PAPPA2: variants seen among roughly 807,000 people sequenced by gnomAD.
PAPPA2 encodes the protein pappalysin-2.
PAPPA2 carries 86 observed loss-of-function variants against 176.4 expected under a neutral mutation model. The observed-to-expected ratio is 0.49, with a 90% CI of 0.41 to 0.58. PAPPA2 has a LOEUF of 0.58. Ranked by LOEUF, PAPPA2 falls within the 20% of genes least tolerant of loss-of-function variation. The pLI is 0.00. For synonymous variants in PAPPA2, 809 were observed against 852.2 expected, an observed-to-expected ratio of 0.95 and a Z score of 0.88; for missense variants, 2,073 against 2,256.9, an observed-to-expected ratio of 0.92 and a Z score of 1.65.
chr1:176,556,130 A>G lies in PAPPA2; in HGVS notation c.-193A>G. On this transcript the variant is annotated 5_prime_UTR_variant, in exon 2 of 23. Transcript: ENST00000367662. ...TGCCCTGGGGAGGCATAGAAGCCAC[A>G]CTGGCAGAGCGGCCAGCACAGGTAG... 1.5e-6 allele frequency: 1 copy of G among 647,380 alleles called. No individual in the cohort carries two copies. Among genetic ancestry groups the G allele is most frequent in the Non-Finnish European group, 2.6e-6 (1 of 381,358 alleles). 40.1% of individuals were successfully genotyped at this position (647,380 alleles called of 1,614,324 possible).
intron 1 of PAPPA2, among the ~76,000 whole-genome samples, chr1:176,487,029 G>A (rs1652676244): frequency 6.6e-6 from 1 of 152,070 alleles, no homozygotes; most frequent in African/African-American, 2.4e-5. Context: ...GGCCAAAAGG[G>A]CCTCCACAGA....
intron 3 of PAPPA2, among the ~76,000 whole-genome samples, chr1:176,635,964 A>G (rs1656676970): frequency 6.6e-6 from 1 of 152,162 alleles, no homozygotes. Context: ...TGAATCCTGG[A>G]AACCCAGAAC....
chr1:176,651,368 T>G (rs1657709502), intron 3 of PAPPA2, among the ~76,000 whole-genome samples: 1 of 151,590 alleles, frequency 6.6e-6, no homozygotes. Flanking sequence ...TATCTGTCCT[T>G]CATATATGAA....
chr1:176,553,654 A>G (rs1023980319), intron 1 of PAPPA2: 3 of 152,024 alleles, frequency 2.0e-5, no homozygotes, highest in African/African-American at 7.3e-5. Context: ...TAGGGGATGC[A>G]AGATCCCTAC....
chr1:176,828,223 T>A (rs1453946202), intron 21 of PAPPA2, among the ~76,000 whole-genome samples: 6 of 152,160 alleles, frequency 3.9e-5, no homozygotes, highest in Non-Finnish European at 8.8e-5. Flanking sequence ...TTTTATTTTT[T>A]TTCACCTGTA....
At chr1:176,688,997 TGCAAGAAGTGAA>T (rs1215102067) in intron 4 of PAPPA2, among the ~76,000 whole-genome samples, 2 of 152,128 alleles carry the variant, frequency 1.3e-5, no homozygotes, top group Admixed American at 1.3e-4. Flanking sequence ...AGGGCTCAGG[TGCAAGAAGTGAA>T]GCAAGTCCTG....
At chr1:176,800,224 C>G (rs1665624168) in intron 21 of PAPPA2, 92 bp downstream of exon 21, 1 of 1,193,624 alleles carries the variant, frequency 8.4e-7, no homozygotes, top group African/African-American at 1.5e-5. Context: ...GGACCTGGTC[C>G]CTCTCCTATT....
chr1:176,785,109 G>T (rs1664879423), intron 17 of PAPPA2, among the ~76,000 whole-genome samples: 1 of 152,120 alleles, frequency 6.6e-6, no homozygotes, highest in South Asian at 2.1e-4. Context: ...AACAGGATTG[G>T]TGGCAAGATT....
At chr1:176,529,078 G>T (rs1649649008) in intron 1 of PAPPA2, among the ~76,000 whole-genome samples, 1 of 152,256 alleles carries the variant, frequency 6.6e-6, no homozygotes, top group South Asian at 2.1e-4. Flanking sequence ...ATAGCAATCT[G>T]CACAGAATAG....
At chr1:176,471,382 C>T (rs1268829614) in intron 1 of PAPPA2, among the ~76,000 whole-genome samples, 1 of 152,170 alleles carries the variant, frequency 6.6e-6, no homozygotes, top group Non-Finnish European at 1.5e-5. Context: ...AACCCCAACA[C>T]ACTGTGTGTG....
At chr1:176,779,065 C>A (rs1241325657) in intron 17 of PAPPA2, among the ~76,000 whole-genome samples, 2 of 152,136 alleles carry the variant, frequency 1.3e-5, no homozygotes, top group Admixed American at 1.3e-4. Flanking sequence ...TTGTTGAATT[C>A]ATAAATTTCC....
At chr1:176,501,546 G>A (rs1331236435) in intron 1 of PAPPA2, among the ~76,000 whole-genome samples, 1 of 152,162 alleles carries the variant, frequency 6.6e-6, no homozygotes, top group African/African-American at 2.4e-5. Context: ...AGCTAGTAAT[G>A]TACTACTGCC....
chr1:176,636,653 T>A (rs1342097254), intron 3 of PAPPA2, among the ~76,000 whole-genome samples: 1 of 152,154 alleles, frequency 6.6e-6, no homozygotes, highest in Non-Finnish European at 1.5e-5. Flanking sequence ...TTCATCAGAT[T>A]TTTGAAAAAA....
intron 21 of PAPPA2, among the ~76,000 whole-genome samples, chr1:176,814,210 G>T (rs1666286887): frequency 6.6e-6 from 1 of 152,136 alleles, no homozygotes; most frequent in Non-Finnish European, 1.5e-5. Context: ...GTGAAGTCAG[G>T]TAGCATGATG....
chr1:176,467,873 G>C (rs1651698353), intron 1 of PAPPA2, among the ~76,000 whole-genome samples: 1 of 152,166 alleles, frequency 6.6e-6, no homozygotes, highest in Admixed American at 6.6e-5. Flanking sequence ...AACTGTGTTA[G>C]GTGCTGAAAA....
chr1:176,697,293 T>C (rs942923684), intron 7 of PAPPA2, among the ~76,000 whole-genome samples: 1 of 152,176 alleles, frequency 6.6e-6, no homozygotes, highest in Non-Finnish European at 1.5e-5. Flanking sequence ...TGATGTTAGG[T>C]TGATTTCCAA....
chr1:176,831,043 G>A (rs1002175291), intron 21 of PAPPA2, among the ~76,000 whole-genome samples: 1 of 152,196 alleles, frequency 6.6e-6, no homozygotes, highest in African/African-American at 2.4e-5. Flanking sequence ...GTCACATGGA[G>A]GACAGCAAAC....
intron 2 of PAPPA2, among the ~76,000 whole-genome samples, chr1:176,571,286 A>G (rs1652314109): frequency 6.6e-6 from 1 of 152,066 alleles, no homozygotes; most frequent in African/African-American, 2.4e-5. Flanking sequence ...TCATCCATTT[A>G]AGTTCTTTCC....
intron 21 of PAPPA2, among the ~76,000 whole-genome samples, chr1:176,829,757 G>T (rs73050120): frequency 3.7e-4 from 56 of 152,228 alleles, no homozygotes; most frequent in Admixed American, 1.6e-3. Flanking sequence ...AGCATGTACC[G>T]CCTCATGTTT....
Sources: gnomAD v4.1 joint callset for allele counts (sites outside exome capture counted in the v4.1 genomes callset) on GRCh38, gnomAD v4.1.1 for gene constraint, MANE v1.5 for transcripts, NCBI Gene and HGNC (gene_info 2026-07-23, HGNC 2026-07-21) for gene names.